Variants in CDC123 observed in about 807,000 individuals in gnomAD.
The protein encoded by CDC123 is translation initiation factor eIF2 assembly protein.
CDC123 carries 37 observed loss-of-function variants against 54.4 expected under a neutral mutation model. The observed-to-expected ratio is 0.68, with a 90% CI of 0.52 to 0.89. The LOEUF (loss-of-function observed/expected upper bound fraction) is 0.89. Among genes scored for constraint, CDC123 ranks in the 40% least tolerant of loss-of-function variants. The pLI is 0.00. For synonymous variants in CDC123, 144 were observed against 136.8 expected (o/e 1.05, Z -0.37); for missense variants, 361 against 412.1 (o/e 0.88, Z 1.07).
chr10:12,234,910 G>A (rs1306826308), intron 7 of CDC123, 138 bp from the exon 8 acceptor site: 15 of 602,818 alleles, frequency 2.5e-5, no homozygotes, highest in Non-Finnish European at 4.1e-5. Flanking sequence ...CATCATGCCC[G>A]GCCAAGAATG....
At chr10:12,203,906 A>C (rs552827842) in intron 2 of CDC123, among the ~76,000 whole-genome samples, 2 of 152,180 alleles carry the variant, frequency 1.3e-5, no homozygotes, top group African/African-American at 4.8e-5. Flanking sequence ...CAGTCTGGCC[A>C]ACATAGTGGG....
intron 6 of CDC123, among the ~76,000 whole-genome samples, chr10:12,226,795 C>T (rs1312151543): frequency 6.6e-6 from 1 of 151,836 alleles, no homozygotes; most frequent in Non-Finnish European, 1.5e-5. Context: ...CAGAGGGGCT[C>T]CTCACATCCC....
chr10:12,249,290 CAGCTG>C (rs1836205509), intron 11 of CDC123, among the ~76,000 whole-genome samples: 1 of 151,868 alleles, frequency 6.6e-6, no homozygotes. Context: ...TTAAAAAACT[CAGCTG>C]GGCGTGGTGG....
rs771244677 is a variant in CDC123 at position 12,217,468 on chromosome 10, G to C, written c.440+1G>C. On this transcript the variant is annotated splice_donor_variant, in intron 6 of 12. Transcript: ENST00000281141. LOFTEE classifies it high-confidence loss of function. ...TCATCACTCGTGACTTCACTCAGCC[G>C]TAAGTATCTCTTATTCTCTCATGTC... is the stretch of plus-strand genomic sequence containing the variant. The C allele has an allele frequency of 1.2e-6, 2 of 1,612,630 alleles. No individual in the cohort carries two copies. The highest frequency in any genetic ancestry group is 1.7e-6 in the Non-Finnish European group (2 of 1,179,312).
chr10:12,211,072 C>G (rs1835592303), intron 4 of CDC123, among the ~76,000 whole-genome samples: 1 of 152,094 alleles, frequency 6.6e-6, no homozygotes, highest in South Asian at 2.1e-4. Context: ...GTGACTTTTA[C>G]CAGTGTTTTA....
intron 8 of CDC123, among the ~76,000 whole-genome samples, chr10:12,236,223 G>A (rs1399684679): frequency 6.6e-6 from 1 of 152,196 alleles, no homozygotes; most frequent in Non-Finnish European, 1.5e-5. Context: ...TATGTGTGCA[G>A]GTTTAGAATT....
intron 2 of CDC123, among the ~76,000 whole-genome samples, chr10:12,206,302 T>C (rs1405488868): frequency 6.6e-6 from 1 of 152,250 alleles, no homozygotes; most frequent in Non-Finnish European, 1.5e-5. Flanking sequence ...TCATCTTATA[T>C]TGTAAGATTA....
At chr10:12,243,229 T>C (rs1836083884) in intron 10 of CDC123, among the ~76,000 whole-genome samples, 1 of 151,388 alleles carries the variant, frequency 6.6e-6, no homozygotes, top group Non-Finnish European at 1.5e-5. Flanking sequence ...TGACACCCCA[T>C]CTCTACCAAA....
intron 10 of CDC123, among the ~76,000 whole-genome samples, chr10:12,238,989 C>G (rs1025108242): frequency 2.0e-5 from 3 of 151,250 alleles, no homozygotes; most frequent in Non-Finnish European, 4.4e-5. Flanking sequence ...GACTCTGCCT[C>G]AAAAGAGAAA....
chr10:12,217,225 C>G (rs1835674963), intron 5 of CDC123, 136 bp from the exon 6 acceptor site: 1 of 722,022 alleles, frequency 1.4e-6, no homozygotes, highest in African/African-American at 1.8e-5. Context: ...TAACATTTGA[C>G]AGTACTGCTT....
rs746958782 is a variant in CDC123 at position 12,210,062 on chromosome 10, T to C, written c.204+38T>C. 3 of 1,600,186 alleles carry C rather than the reference T, an allele frequency of 1.9e-6. No individual in the cohort carries two copies. The African/African-American group carries it at 4.0e-5, about 21-fold the overall frequency. ...TAAAATAATCTGTTCTGTAGACTGT[T>C]GTAATTTAAATGATCTCTGAGATGG... On this transcript the variant is annotated intron_variant, in intron 3 of 12. Transcript: ENST00000281141.
At chr10:12,236,763 A>G (rs896414424) in intron 8 of CDC123, among the ~76,000 whole-genome samples, 4 of 152,176 alleles carry the variant, frequency 2.6e-5, no homozygotes, top group East Asian at 1.9e-4. Context: ...GTGTGGTGGC[A>G]GGCGCCCGTA....
intron 4 of CDC123, among the ~76,000 whole-genome samples, chr10:12,214,733 C>A (rs768488727): frequency 2.6e-5 from 4 of 152,116 alleles, no homozygotes; most frequent in Non-Finnish European, 4.4e-5. Flanking sequence ...TCTTGGGGAT[C>A]CACATAACTA....
rs767311049 is a variant in CDC123, at chr10:12,230,936, C to T, written c.441-12C>T. The T allele has an allele frequency of 1.2e-6, 2 of 1,611,188 alleles. No homozygotes were observed. The highest frequency in any genetic ancestry group is 1.7e-6 in the Non-Finnish European group (2 of 1,179,008). ...CAAAAAGATTCAGTTGCCTTTTCTT[C>T]TTCTTCCAAAGGTTTATTCATTGTA... On this transcript the variant is annotated splice_polypyrimidine_tract_variant and intron_variant, in intron 6 of 12. Transcript: ENST00000281141.
At chr10:12,231,237 T>C (rs1835898835) in intron 7 of CDC123, among the ~76,000 whole-genome samples, 3 of 152,238 alleles carry the variant, frequency 2.0e-5, no homozygotes, top group African/African-American at 7.2e-5. Flanking sequence ...ACACCTTTAA[T>C]AGAACAAACA....
rs189645395 is a variant in CDC123 at position 12,232,127 on chromosome 10, G to A, written c.489+1131G>A. Among the ~76,000 whole-genome samples, 384 of 152,132 alleles carry A rather than the reference G, an allele frequency of 2.5e-3. 1 individual carries two copies. The highest frequency in any genetic ancestry group is 8.6e-3 in the African/African-American group (356 of 41,514). ...CTCCCAAAATGCTGGGATTACAGGC[G>A]TGAACCACTGCGCCCTGCCTTTTTT... On this transcript the variant is annotated intron_variant, in intron 7 of 12. Coordinates refer to ENST00000281141, the MANE Select transcript of CDC123 (RefSeq NM_006023.3).
chr10:12,210,760 G>A (rs1835586868), intron 4 of CDC123, among the ~76,000 whole-genome samples: 3 of 152,150 alleles, frequency 2.0e-5, no homozygotes, highest in Non-Finnish European at 4.4e-5. Flanking sequence ...GAGTGCAGTG[G>A]TGTGATCTTG....
At chr10:12,234,740 C>T (rs1180819538) in intron 7 of CDC123, among the ~76,000 whole-genome samples, 1 of 150,560 alleles carries the variant, frequency 6.6e-6, no homozygotes, top group Non-Finnish European at 1.5e-5. Flanking sequence ...CCCTACATCT[C>T]ATGTGAAGAA....
chr10:12,249,719 G>T lies in CDC123; in HGVS notation c.984+1G>T, dbSNP rs1314876609. The T allele has an allele frequency of 1.2e-6, 2 of 1,605,862 alleles. No homozygotes were observed. The highest frequency in any genetic ancestry group is 1.7e-6 in the Non-Finnish European group (2 of 1,177,514). On this transcript the variant is annotated splice_donor_variant, in intron 12 of 12. Coordinates refer to ENST00000281141, the MANE Select transcript of CDC123 (RefSeq NM_006023.3). LOFTEE classifies it high-confidence loss of function. ...CAAGCTAATAGACTTCCTTAAGCTGGTAAAGTCTATGTGCATTTAGTATGC... is the reference window on the plus strand; with the variant it reads ...CAAGCTAATAGACTTCCTTAAGCTGTTAAAGTCTATGTGCATTTAGTATGC...
Sources: allele counts gnomAD v4.1 joint callset (sites outside exome capture counted in the v4.1 genomes callset), GRCh38; gene constraint gnomAD v4.1.1; transcripts MANE v1.5; gene names NCBI Gene and HGNC (gene_info 2026-07-23, HGNC 2026-07-21).